The following RECQL variants were observed in gnomAD, a reference collection of about 807,000 sequenced individuals.
The protein encoded by RECQL is ATP-dependent DNA helicase Q1.
In RECQL, 73 loss-of-function variants were observed where a neutral mutation model predicts 75.8. The ratio of observed to expected loss-of-function variants is 0.96; its 90% confidence interval spans 0.80 to 1.17. The LOEUF (loss-of-function observed/expected upper bound fraction) is 1.17. Among genes scored for constraint, RECQL ranks in the 50% most tolerant of loss-of-function variants. RECQL has a pLI of 0.00. For missense variants in RECQL, 699 were observed against 772.1 expected (o/e 0.91, Z 1.12); for synonymous variants, 248 against 254.4 (o/e 0.97, Z 0.24).
In RECQL at chr12:21,501,544, C is replaced by G. The variant is rs1565579348; in HGVS notation, c.-420G>C. The stretch of plus-strand genomic sequence containing the variant: ...GTCCGACTCTCCGATCTCCGACTCT[C>G]GGATCTCCGACACCAAAGCACCCAG... On this transcript the variant is annotated 5_prime_UTR_variant, in exon 1 of 15. Transcript: ENST00000444129. The G allele has an allele frequency of 4.1e-6, 1 of 241,046 alleles. No homozygotes were observed. The highest frequency in any genetic ancestry group is 2.5e-5 in the African/African-American group (1 of 39,636). 14.9% of individuals were successfully genotyped at this position (241,046 alleles called of 1,614,324 possible).
Position 21,477,936 on chromosome 12 carries a change from A to G in RECQL, c.734T>C (p.Phe245Ser). 1 of 1,611,734 alleles carries G rather than the reference A, an allele frequency of 6.2e-7. No homozygotes were observed. Among genetic ancestry groups the G allele is most frequent in the Non-Finnish European group, 8.5e-7 (1 of 1,179,296 alleles). Residue 245 changes from phenylalanine to serine, a missense_variant, in exon 7 of 15, where the codon TTC (phenylalanine) becomes TCC (serine). Phe to Ser is a radical substitution (Grantham distance 155). Transcript: ENST00000444129. ...YKALGILKRQ[F>S]PNASLIGLTA... ...CAGCCCAATTAGTGATGCGTTAGGG[A>G]ACTGCCGCTTTAAGATACCAAGTGC...
At chr12:21,496,439 C>T (rs965593738) in intron 2 of RECQL, among the ~76,000 whole-genome samples, 1 of 152,200 alleles carries the variant, frequency 6.6e-6, no homozygotes, top group Non-Finnish European at 1.5e-5. Context: ...CTTTATTCTC[C>T]CACCTCAGAG....
At chr12:21,473,412 C>T in intron 12 of RECQL, 139 bp downstream of exon 12, 1 of 661,470 alleles carries the variant, frequency 1.5e-6, no homozygotes, top group East Asian at 2.7e-5. Flanking sequence ...GGAGACTATA[C>T]CATCTAGGTT....
chr12:21,472,126 T>C (rs1293939941), intron 12 of RECQL, among the ~76,000 whole-genome samples: 1 of 152,090 alleles, frequency 6.6e-6, no homozygotes, highest in East Asian at 1.9e-4. Flanking sequence ...AACTCATAAA[T>C]TTCTCTGTCT....
intron 4 of RECQL, 118 bp from the exon 5 acceptor site, chr12:21,486,703 C>T: frequency 1.2e-6 from 1 of 818,058 alleles, no homozygotes; most frequent in South Asian, 1.8e-5. Flanking sequence ...TGGAGTCTCA[C>T]TCTCTTGCCC....
In RECQL at chr12:21,491,581, T is replaced by C. The variant is rs767993044; in HGVS notation, c.152A>G (p.Glu51Gly). ...ATTGCTTGCCCCGGCATCAGAATCCTCTAAACACTGCTTTATTTTCTTTGT... is the reference window on the plus strand; with the variant it reads ...ATTGCTTGCCCCGGCATCAGAATCCCCTAAACACTGCTTTATTTTCTTTGT... The part of the protein sequence containing the change: ...VLTKKIKQCL[E>G]DSDAGASNEY... Residue 51 changes from glutamate to glycine, a missense_variant, in exon 3 of 15, where the codon GAG becomes GGG. By Grantham distance (98) the Glu-to-Gly change is moderately conservative. Around this residue, in one of 2 missense-constraint regions of RECQL, gnomAD observed 669 missense variants for 713.5 expected, o/e 0.94. Coordinates refer to ENST00000444129, the MANE Select transcript of RECQL (RefSeq NM_002907.4). 4.3e-6 allele frequency: 7 copies of C among 1,613,754 alleles called. No individual in the cohort carries two copies. Among genetic ancestry groups the C allele is most frequent in the Non-Finnish European group, 5.9e-6 (7 of 1,179,936 alleles).
At position 21,473,544 on chromosome 12, in the gene RECQL, A is replaced by G; in HGVS notation, c.1447+7T>C. On this transcript the variant is annotated splice_region_variant and intron_variant, in intron 12 of 14. Coordinates refer to ENST00000444129, the MANE Select transcript of RECQL (RefSeq NM_002907.4). ...GCCTATAAAGGTTTACAAAACAACA[A>G]ACTCACCACTGTCTTTACAGCAGTT... 6 of 1,609,184 alleles carry G rather than the reference A, an allele frequency of 3.7e-6. No homozygotes were observed. Among genetic ancestry groups the G allele is most frequent in the Non-Finnish European group, 5.1e-6 (6 of 1,176,148 alleles).
At chr12:21,496,065 CA>C (rs1165855105) in intron 2 of RECQL, among the ~76,000 whole-genome samples, 1 of 152,220 alleles carries the variant, frequency 6.6e-6, no homozygotes, top group Non-Finnish European at 1.5e-5. Flanking sequence ...ACCAATACAG[CA>C]AACTAAAAAT....
At chr12:21,471,810 AGTCTCTGTCACTAGACCAAGTTATG>A (rs1942974146) in intron 12 of RECQL, among the ~76,000 whole-genome samples, 163 bp from the exon 13 acceptor site, 1 of 151,992 alleles carries the variant, frequency 6.6e-6, no homozygotes, top group Admixed American at 6.6e-5. Flanking sequence ...CTATTCCTCA[AGTCTCTGTCACTAGACCAAGTTATG>A]GTCTCTGTAA....
intron 2 of RECQL, among the ~76,000 whole-genome samples, chr12:21,494,821 T>C (rs1029238712): frequency 2.0e-5 from 3 of 152,212 alleles, no homozygotes; most frequent in Admixed American, 2.0e-4. Context: ...GGCTGTTCTC[T>C]GTAAGCTAGG....
chr12:21,475,365 T>C lies in RECQL; in HGVS notation c.1216+103A>G, dbSNP rs1015804031. 4.5e-4 allele frequency: 331 copies of C among 734,342 alleles called. 4 individuals are homozygous for C. Among genetic ancestry groups the C allele is most frequent in the Admixed American group, 3.4e-4 (13 of 38,016 alleles). The allele number at this position is 734,342 out of a possible 1,614,324, so 45.5% of individuals were successfully genotyped here. On this transcript the variant is annotated intron_variant, in intron 10 of 14. Transcript: ENST00000444129. ...TGCTAAAAATACATTGTTCTAAAAA[T>C]ACTATCCAATAAAGATAAAACATAC...
chr12:21,474,033 T>A (rs1943034945), intron 11 of RECQL, among the ~76,000 whole-genome samples: 1 of 152,132 alleles, frequency 6.6e-6, no homozygotes, highest in African/African-American at 2.4e-5. Flanking sequence ...ATAGGACTTT[T>A]TTCCCCACAT....
intron 6 of RECQL, among the ~76,000 whole-genome samples, chr12:21,479,195 G>T (rs752815949): frequency 6.6e-6 from 1 of 152,022 alleles, no homozygotes; most frequent in Non-Finnish European, 1.5e-5. Flanking sequence ...CAGTAAAACC[G>T]TTATCCCATA....
chr12:21,487,002 C>T lies in RECQL; in HGVS notation c.395-417G>A, dbSNP rs566994902. On this transcript the variant is annotated intron_variant, in intron 4 of 14. Coordinates refer to ENST00000444129, the MANE Select transcript of RECQL (RefSeq NM_002907.4). Reference sequence around the variant, plus strand: ...CACCTTCTTAACTTGTGGGCACTGGCCATCAATTCAGATTAATTTTTAATG... The same window carrying T: ...CACCTTCTTAACTTGTGGGCACTGGTCATCAATTCAGATTAATTTTTAATG... 3.3e-5 allele frequency among the ~76,000 whole-genome samples: 5 copies of T among 152,104 alleles called. No homozygotes were observed. The East Asian group carries it at 9.7e-4, about 29-fold the overall frequency.
Position 21,471,714 on chromosome 12 carries a change from T to G in RECQL, c.1448-67A>C, listed in dbSNP as rs1591968187. The G allele has an allele frequency of 1.0e-5, 13 of 1,272,718 alleles. No homozygotes were observed. The East Asian group carries it at 3.0e-4, about 29-fold the overall frequency. The allele number at this position is 1,272,718 out of a possible 1,614,324, so 78.8% of individuals were successfully genotyped here. A position where few individuals can be genotyped will look rare whatever the true frequency, so the allele number is the denominator to read the frequency against. On this transcript the variant is annotated intron_variant, in intron 12 of 14. Coordinates refer to ENST00000444129, the MANE Select transcript of RECQL (RefSeq NM_002907.4). ...AAATGAGGGCAAAGATAGGCTATCT[T>G]AAGTAGTTAAACTGGTTTAAAGCTG...
chr12:21,476,785 A>C (rs148853439), intron 8 of RECQL, 126 bp downstream of exon 8: 252 of 498,132 alleles, frequency 5.1e-4, no homozygotes, highest in African/African-American at 4.4e-3. Flanking sequence ...ACGTATTTTC[A>C]AGTATCTTCT....
chr12:21,471,566 A>G lies in RECQL; in HGVS notation c.1529T>C (p.Leu510Pro). The G allele has an allele frequency of 6.2e-7, 1 of 1,612,774 alleles. No individual in the cohort carries two copies. The highest frequency in any genetic ancestry group is 8.5e-7 in the Non-Finnish European group (1 of 1,179,252). ...LKQAEELNEK[L>P]TPLKLIDSWM... ...AGAATCAATCAGTTTCAATGGAGTG[A>G]GTTTTTCATTCAGTTCCTCTGCCTG... The change falls in exon 13 of 15, where the codon CTC becomes CCC. Residue 510 changes from leucine (L) to proline (P), a missense_variant. Physicochemically the swap from Leu to Pro is moderately conservative, Grantham distance 98. Transcript: ENST00000444129.
chr12:21,471,217 T>G, intron 13 of RECQL, 119 bp from the exon 14 acceptor site: 2 of 1,120,528 alleles, frequency 1.8e-6, no homozygotes, highest in Non-Finnish European at 2.5e-6. Context: ...AATAATAAAA[T>G]TTACAAGAAT....
intron 13 of RECQL, 57 bp from the exon 14 acceptor site, chr12:21,471,155 AT>A (rs1942947923): frequency 1.3e-6 from 2 of 1,488,230 alleles, no homozygotes; most frequent in East Asian, 4.9e-5. Context: ...CGGAAAACAA[AT>A]TTATAAAAGA....
Sources: allele counts gnomAD v4.1 joint callset (sites outside exome capture counted in the v4.1 genomes callset), GRCh38; gene constraint gnomAD v4.1.1; regional missense constraint gnomAD v4.1.1; transcripts MANE v1.5; gene names NCBI Gene and HGNC (gene_info 2026-07-23, HGNC 2026-07-21).